SETBP1: variants seen among roughly 807,000 people sequenced by gnomAD.
The protein encoded by SETBP1 is SET binding protein 1.
In SETBP1, 9 loss-of-function variants were observed where a neutral mutation model predicts 101.0. That is an observed-to-expected ratio of 0.09 (90% confidence interval 0.05 to 0.16). The LOEUF (loss-of-function observed/expected upper bound fraction) is 0.16, where lower values mean the gene tolerates loss of function less well. SETBP1 is among the 10% of genes least tolerant of loss of function. The probability of loss-of-function intolerance (pLI) is 1.00; values close to 1 mark genes in which losing one functional copy is unlikely to be tolerated. For missense variants in SETBP1, 1,858 were observed against 2,033.8 expected, an observed-to-expected ratio of 0.91 and a Z score of 1.66; for synonymous variants, 818 against 788.5, an observed-to-expected ratio of 1.04 and a Z score of -0.63.
intron 5 of SETBP1, among the ~76,000 whole-genome samples, chr18:45,038,894 A>G (rs1250645528): frequency 6.6e-6 from 1 of 152,174 alleles, no homozygotes; most frequent in African/African-American, 2.4e-5. Flanking sequence ...TTATTCTAAT[A>G]TGGGTCCACT....
chr18:45,010,612 C>T (rs2072818354), intron 4 of SETBP1, among the ~76,000 whole-genome samples: 1 of 152,208 alleles, frequency 6.6e-6, no homozygotes, highest in Non-Finnish European at 1.5e-5. Flanking sequence ...TGATGGTTCT[C>T]ATTGGTGTTA....
intron 3 of SETBP1, among the ~76,000 whole-genome samples, chr18:44,890,072 A>G (rs1464568236): frequency 6.6e-6 from 1 of 152,060 alleles, no homozygotes; most frequent in Non-Finnish European, 1.5e-5. Flanking sequence ...CACATTTTTC[A>G]TTTTTTTGTG....
In SETBP1 at chr18:44,995,535, G is replaced by T. The variant is rs867879652; in HGVS notation, c.4000+42195G>T. ...AATGTACATGTCCAGGCTTTTGTGT[G>T]TGTGTGTGTGTGTGTGTGTGTGTGT... On this transcript the variant is annotated intron_variant, in intron 4 of 5. Transcript: ENST00000649279. Among the ~76,000 whole-genome samples, 680 of 139,930 alleles carry T rather than the reference G, an allele frequency of 4.9e-3. 4 individuals carry two copies. Among genetic ancestry groups the T allele is most frequent in the African/African-American group, 0.019 (644 of 34,478 alleles). The allele number at this position is 139,930 out of a possible 152,430, so 91.8% of individuals were successfully genotyped here.
intron 2 of SETBP1, among the ~76,000 whole-genome samples, chr18:44,725,358 G>A (rs1365969994): frequency 2.6e-5 from 4 of 152,130 alleles, no homozygotes; most frequent in African/African-American, 9.7e-5. Flanking sequence ...TGTTCTTAAT[G>A]AGTTACCTGT....
chr18:44,970,962 A>G (rs2071838930), intron 4 of SETBP1, among the ~76,000 whole-genome samples: 2 of 151,948 alleles, frequency 1.3e-5, no homozygotes, highest in South Asian at 4.2e-4. Flanking sequence ...GGTGTGCTGC[A>G]ACCCATTAAC....
intron 2 of SETBP1, among the ~76,000 whole-genome samples, chr18:44,772,554 G>A (rs764588165): frequency 2.0e-5 from 3 of 152,092 alleles, no homozygotes; most frequent in Non-Finnish European, 4.4e-5. Flanking sequence ...TCATAAGAGC[G>A]TAACCCCAGG....
At chr18:44,859,998 C>T (rs2068967836) in intron 2 of SETBP1, among the ~76,000 whole-genome samples, 1 of 152,198 alleles carries the variant, frequency 6.6e-6, no homozygotes, top group East Asian at 1.9e-4. Flanking sequence ...CTCAGATACT[C>T]TCTGAAACAA....
intron 2 of SETBP1, among the ~76,000 whole-genome samples, chr18:44,729,355 G>A (rs1027771964): frequency 8.5e-5 from 13 of 152,210 alleles, no homozygotes; most frequent in Non-Finnish European, 1.3e-4. Context: ...TTGACATAAC[G>A]TAGGTGAGAA....
intron 2 of SETBP1, among the ~76,000 whole-genome samples, chr18:44,727,716 C>A (rs1568112319): frequency 6.6e-6 from 1 of 152,214 alleles, no homozygotes; most frequent in Non-Finnish European, 1.5e-5. Flanking sequence ...TCCTGAGTTT[C>A]CTCACAGACA....
chr18:45,016,205 A>G (rs980301240), intron 4 of SETBP1, among the ~76,000 whole-genome samples: 4 of 152,150 alleles, frequency 2.6e-5, no homozygotes, highest in African/African-American at 2.4e-5. Context: ...GTTTTCCCTT[A>G]TACACTATTT....
chr18:45,028,996 G>A (rs1199929818), intron 4 of SETBP1, among the ~76,000 whole-genome samples: 2 of 152,170 alleles, frequency 1.3e-5, no homozygotes, highest in South Asian at 2.1e-4. Flanking sequence ...CTTCTGCTGT[G>A]CAAAAGCTCT....
In SETBP1 at chr18:44,817,315, T is replaced by C. The variant is rs79190839; in HGVS notation, c.487-51915T>C. 4.6e-3 allele frequency among the ~76,000 whole-genome samples: 706 copies of C among 152,120 alleles called. 4 individuals carry two copies. The highest frequency in any genetic ancestry group is 0.012 in the African/African-American group (507 of 41,490). ...ACTTTCCTAGGGTCACGCAGTTAAA[T>C]ATTGAGGCCTCAGAAATAGAACACC... On this transcript the variant is annotated intron_variant, in intron 2 of 5. Coordinates refer to ENST00000649279, the MANE Select transcript of SETBP1 (RefSeq NM_015559.3).
chr18:44,841,921 C>T (rs1473859625), intron 2 of SETBP1, among the ~76,000 whole-genome samples: 1 of 152,192 alleles, frequency 6.6e-6, no homozygotes, highest in Admixed American at 6.5e-5. Context: ...AGGCTTGTTG[C>T]AGCCTATGTC....
intron 2 of SETBP1, among the ~76,000 whole-genome samples, chr18:44,809,939 C>A (rs76324418): frequency 1.6e-4 from 25 of 152,308 alleles, no homozygotes; most frequent in African/African-American, 6.0e-4. Flanking sequence ...GTTGAGACCA[C>A]CACGTTCTCC....
At chr18:44,836,456 T>C (rs1035708957) in intron 2 of SETBP1, among the ~76,000 whole-genome samples, 1 of 152,174 alleles carries the variant, frequency 6.6e-6, no homozygotes, top group Non-Finnish European at 1.5e-5. Context: ...GTGCTGGAGC[T>C]CAGAGCTGCA....
intron 4 of SETBP1, among the ~76,000 whole-genome samples, chr18:45,000,793 A>AACACACACACACACACAC (rs113870439): frequency 3.4e-5 from 5 of 146,702 alleles, no homozygotes; most frequent in African/African-American, 1.0e-4. Context: ...GAATGCACAC[A>AACACACACACACACACAC]ACACACACAC....
At chr18:44,829,891 G>C (rs1329818726) in intron 2 of SETBP1, among the ~76,000 whole-genome samples, 2 of 152,130 alleles carry the variant, frequency 1.3e-5, no homozygotes, top group Non-Finnish European at 2.9e-5. Flanking sequence ...AACCCTTCTT[G>C]TCAGGGGGAA....
intron 3 of SETBP1, among the ~76,000 whole-genome samples, chr18:44,930,557 A>C (rs560967999): frequency 1.3e-5 from 2 of 152,176 alleles, no homozygotes; most frequent in Non-Finnish European, 2.9e-5. Context: ...CTGTGAATCC[A>C]TCTGGTCCTA....
intron 2 of SETBP1, among the ~76,000 whole-genome samples, chr18:44,777,797 T>C (rs1302774932): frequency 2.0e-5 from 3 of 152,238 alleles, no homozygotes; most frequent in Admixed American, 6.5e-5. Flanking sequence ...ACACAACTTC[T>C]GACAAGCTGA....
Sources: allele counts gnomAD v4.1 joint callset (sites outside exome capture counted in the v4.1 genomes callset), GRCh38; gene constraint gnomAD v4.1.1; transcripts MANE v1.5; gene names NCBI Gene and HGNC (gene_info 2026-07-23, HGNC 2026-07-21).